The following AZI2 variants were observed in gnomAD, a reference collection of about 807,000 sequenced individuals.
AZI2 encodes 5-azacytidine induced 2, also known as 5-azacytidine-induced protein 2.
Under a neutral mutation model 45.8 loss-of-function variants are expected in AZI2, and 22 were observed. The ratio of observed to expected loss-of-function variants is 0.48; its 90% CI spans 0.34 to 0.69. AZI2 has a LOEUF of 0.69. Among genes scored for constraint, AZI2 ranks in the 30% least tolerant of loss-of-function variants. AZI2 has a pLI of 0.01. For synonymous variants in AZI2, 137 were observed against 156.7 expected, an observed-to-expected ratio of 0.87 and a Z score of 0.94; for missense variants, 417 against 441.5, an observed-to-expected ratio of 0.94 and a Z score of 0.50.
At chr3:28,339,393 G>C (rs1268770703) in intron 2 of AZI2, among the ~76,000 whole-genome samples, 1 of 152,078 alleles carries the variant, frequency 6.6e-6, no homozygotes, top group Non-Finnish European at 1.5e-5. Flanking sequence ...TATTTCCAAT[G>C]TTAACTATAC....
At chr3:28,341,125 C>G (rs1217476453) in intron 1 of AZI2, among the ~76,000 whole-genome samples, 1 of 152,016 alleles carries the variant, frequency 6.6e-6, no homozygotes, top group African/African-American at 2.4e-5. Context: ...AATGCATACT[C>G]TATCTTTCCA....
At chr3:28,333,033 G>A (rs1009124466) in intron 5 of AZI2, among the ~76,000 whole-genome samples, 2 of 151,728 alleles carry the variant, frequency 1.3e-5, no homozygotes, top group Non-Finnish European at 2.9e-5. Flanking sequence ...GACTTAGTAT[G>A]TTTGAGACAA....
In AZI2 at chr3:28,326,953, GAAAT is replaced by G; in HGVS notation, c.648-7_648-4del. 1 of 1,591,766 alleles carries G rather than the reference GAAAT, an allele frequency of 6.3e-7. No individual in the cohort carries two copies. The highest frequency in any genetic ancestry group is 8.6e-7 in the Non-Finnish European group (1 of 1,164,196). ...AGTATGCATGCTGCATATTATCACT[GAAAT>G]AAATTTTTTTACAAAAAGTTAATAC... On this transcript the variant is annotated splice_polypyrimidine_tract_variant and splice_region_variant and intron_variant, in intron 6 of 7. Transcript: ENST00000479665.
intron 1 of AZI2, among the ~76,000 whole-genome samples, chr3:28,344,136 T>C (rs554785145): frequency 2.6e-5 from 4 of 152,168 alleles, no homozygotes; most frequent in East Asian, 1.9e-4. Context: ...GAAATAGCCA[T>C]ATATTAAAAC....
intron 7 of AZI2, among the ~76,000 whole-genome samples, chr3:28,325,565 T>G (rs1217964414): frequency 6.6e-6 from 1 of 150,968 alleles, no homozygotes; most frequent in Non-Finnish European, 1.5e-5. Context: ...ATAGGAAAAG[T>G]GCTAGAAAAC....
intron 1 of AZI2, among the ~76,000 whole-genome samples, chr3:28,341,105 T>C: frequency 6.6e-6 from 1 of 152,230 alleles, no homozygotes. Flanking sequence ...TATTATATTA[T>C]AGAAGTCTTA....
In AZI2 at chr3:28,336,975, TA is replaced by T. The variant is rs541936169; in HGVS notation, c.440-91del. On this transcript the variant is annotated intron_variant, in intron 4 of 7. Coordinates refer to ENST00000479665, the MANE Select transcript of AZI2 (RefSeq NM_022461.5). ...ATAGGTTATTCTGGTAAAATGTAGA[TA>T]ATAGAAAAACTAACATAAAACATAT... 86 of 1,324,946 alleles carry T rather than the reference TA, an allele frequency of 6.5e-5. No individual in the cohort carries two copies. In the East Asian group the frequency reaches 1.8e-3, roughly 28 times the overall value. 82.1% of individuals were successfully genotyped at this position (1,324,946 alleles called of 1,614,324 possible).
Position 28,324,374 on chromosome 3 carries a change from T to G in AZI2, c.847A>C (p.Thr283Pro), listed in dbSNP as rs182611602. ...TTTGGTAAGAGAGGGGGATGTCTTG[T>G]GTATGTTGCAGTAAAATTCATCAAG... The part of the protein sequence containing the change: ...LHLMNFTATY[T>P]RHPPLLPNGK... The change falls in exon 8 of 8, where the codon ACA becomes CCA. Residue 283 changes from threonine to proline, a missense_variant. Coordinates refer to ENST00000479665, the MANE Select transcript of AZI2 (RefSeq NM_022461.5). The G allele has an allele frequency of 5.7e-6, 9 of 1,576,508 alleles. No homozygotes were observed. Among genetic ancestry groups the G allele is most frequent in the Non-Finnish European group, 6.9e-6 (8 of 1,160,900 alleles).
intron 6 of AZI2, chr3:28,331,697 A>G (rs1372416844): frequency 1.1e-5 from 15 of 1,329,172 alleles, no homozygotes; most frequent in Non-Finnish European, 1.5e-5. Context: ...AAGTCAGATC[A>G]GTATTTTTTA....
chr3:28,325,147 C>CAAA (rs1332238712), intron 7 of AZI2: 1 of 134,316 alleles, frequency 7.4e-6, no homozygotes, highest in African/African-American at 2.7e-5. Flanking sequence ...AAAAAACAGC[C>CAAA]AAAAAAAAAA....
intron 1 of AZI2, among the ~76,000 whole-genome samples, chr3:28,344,717 CTT>C (rs1704157983): frequency 6.6e-6 from 1 of 152,016 alleles, no homozygotes; most frequent in Non-Finnish European, 1.5e-5. Context: ...TTTGAAGAAA[CTT>C]AACATTATAC....
chr3:28,340,484 T>A lies in AZI2; in HGVS notation c.134A>T (p.Tyr45Phe). The A allele has an allele frequency of 6.2e-7, 1 of 1,613,150 alleles. No homozygotes were observed. Among genetic ancestry groups the A allele is most frequent in the Non-Finnish European group, 8.5e-7 (1 of 1,179,354 alleles). ...VASHFALVTA[Y>F]EDIKKRLKDS... ...CTTAAGTCGTTTTTTGATGTCTTCA[T>A]ATGCAGTGACAAGAGCAAAATGGGA... Residue 45 changes from tyrosine (Y) to phenylalanine (F), a missense_variant, in exon 2 of 8, where the codon TAT becomes TTT. Transcript: ENST00000479665.
In AZI2 at chr3:28,340,592, A is replaced by C; in HGVS notation, c.26T>G (p.Ile9Ser). Residue 9 changes from isoleucine (I) to serine (S), a missense_variant, in exon 2 of 8, where the codon ATC (isoleucine) becomes AGC (serine). Ile to Ser is a moderately radical substitution (Grantham distance 142). Transcript: ENST00000479665. ...GGCTTTTTCATGATTCAGAATACAG[A>C]TATCATCTTCTACCAGTGCATCCAT... MDALVEDD[I>S]CILNHEKAHK... is the part of the protein sequence containing the mutation. The C allele has an allele frequency of 6.2e-7, 1 of 1,611,740 alleles. No individual in the cohort carries two copies. Among genetic ancestry groups the C allele is most frequent in the East Asian group, 2.2e-5 (1 of 44,740 alleles).
rs1212997517 is a variant in AZI2, at chr3:28,331,970, A to G, written c.647+399T>C. 3.5e-6 allele frequency: 5 copies of G among 1,443,954 alleles called. No individual in the cohort carries two copies. In the African/African-American group the frequency reaches 5.7e-5, roughly 16 times the overall value. The allele number at this position is 1,443,954 out of a possible 1,614,324, so 89.4% of individuals were successfully genotyped here. A position where few individuals can be genotyped will look rare whatever the true frequency, so the allele number is the denominator to read the frequency against. ...GATACTCTGTCTCAAAAAACAAAAAACAAAAAAAAATAAATTTCATGCTAT... is the reference window on the plus strand; with the variant it reads ...GATACTCTGTCTCAAAAAACAAAAAGCAAAAAAAAATAAATTTCATGCTAT... On this transcript the variant is annotated intron_variant, in intron 6 of 7. Transcript: ENST00000479665.
chr3:28,331,589 C>A (rs180697322), intron 6 of AZI2: 45 of 1,035,310 alleles, frequency 4.3e-5, no homozygotes, highest in Non-Finnish European at 1.2e-6. Context: ...CCTAATTGAT[C>A]ATTTCTCTAA....
intron 5 of AZI2, among the ~76,000 whole-genome samples, chr3:28,332,745 A>C (rs1016982321): frequency 2.0e-5 from 3 of 151,798 alleles, no homozygotes; most frequent in African/African-American, 7.2e-5. Context: ...ATATTCAAAA[A>C]AGTGTTACAC....
Position 28,323,999 on chromosome 3 carries a change from A to C in AZI2, c.*43T>G. 55 of 1,515,038 alleles carry C rather than the reference A, an allele frequency of 3.6e-5. No homozygotes were observed. Among genetic ancestry groups the C allele is most frequent in the Non-Finnish European group, 4.7e-5 (52 of 1,117,116 alleles). 93.8% of individuals were successfully genotyped at this position (1,515,038 alleles called of 1,614,324 possible). ...ATAATTTCTTGGGAGGACCACTGAA[A>C]GAGATAAGTGTCCTCATGGTGAAAT... is the stretch of plus-strand genomic sequence containing the variant. On this transcript the variant is annotated 3_prime_UTR_variant, in exon 8 of 8. Transcript: ENST00000479665.
intron 2 of AZI2, 123 bp downstream of exon 2, chr3:28,340,279 A>G: frequency 3.0e-6 from 2 of 661,098 alleles, no homozygotes; most frequent in Non-Finnish European, 5.1e-6. Context: ...TCAGATTAGC[A>G]GTGAGTTATT....
At chr3:28,326,262 T>TA (rs1337676552) in intron 7 of AZI2, among the ~76,000 whole-genome samples, 15 of 151,046 alleles carry the variant, frequency 9.9e-5, no homozygotes, top group Admixed American at 9.3e-4. Context: ...GTCAAGCAGT[T>TA]AAATATGAAA....
Sources: allele counts gnomAD v4.1 joint callset (sites outside exome capture counted in the v4.1 genomes callset), GRCh38; gene constraint gnomAD v4.1.1; transcripts MANE v1.5; gene names NCBI Gene and HGNC (gene_info 2026-07-23, HGNC 2026-07-21).